PRKN: variants seen among roughly 807,000 people sequenced by gnomAD.
PRKN encodes parkin RBR E3 ubiquitin protein ligase.
PRKN carries 56 observed loss-of-function variants against 59.5 expected under a neutral mutation model. That is an observed-to-expected ratio of 0.94 (90% confidence interval 0.76 to 1.18). PRKN has a LOEUF of 1.18. PRKN is among the 50% of genes most tolerant of loss of function. The pLI is 0.00. For missense variants in PRKN, 657 were observed against 596.4 expected (o/e 1.10, Z -1.06); for synonymous variants, 250 against 222.1 (o/e 1.13, Z -1.12).
chr6:161,545,027 T>G lies in PRKN; in HGVS notation c.1083+3827A>C. The G allele has an allele frequency of 5.0e-6, 2 of 400,146 alleles. No individual in the cohort carries two copies. The highest frequency in any genetic ancestry group is 7.3e-6 in the Non-Finnish European group (2 of 275,290). The allele number at this position is 400,146 out of a possible 1,614,324, so 24.8% of individuals were successfully genotyped here. ...GGTACATGGTCGTGGGTGAAATGAC[T>G]AGAAGATTAGAATCCTCTGGAGCCC... is the stretch of plus-strand genomic sequence containing the variant. On this transcript the variant is annotated intron_variant, in intron 9 of 11. Transcript: ENST00000366898. This position sits in a 1 kb window ranked among gnomAD's most constrained non-coding sequence, Gnocchi z 4.1.
At chr6:162,609,331 C>A (rs1157101780) in intron 1 of PRKN, among the ~76,000 whole-genome samples, 2 of 152,030 alleles carry the variant, frequency 1.3e-5, no homozygotes, top group South Asian at 4.2e-4. Context: ...AAGTAACCCA[C>A]GAAAGTGGGA....
intron 1 of PRKN, among the ~76,000 whole-genome samples, chr6:162,678,637 T>A (rs182625528): frequency 6.6e-6 from 1 of 152,236 alleles, no homozygotes; most frequent in African/African-American, 2.4e-5. Context: ...CTATGTTTTA[T>A]TGGGTTGTTT....
At chr6:161,736,475 T>C (rs1237286555) in intron 7 of PRKN, among the ~76,000 whole-genome samples, 1 of 152,216 alleles carries the variant, frequency 6.6e-6, no homozygotes, top group African/African-American at 2.4e-5. Context: ...ATAAACACTG[T>C]GACAACACAT....
chr6:162,252,618 G>C (rs1052640675), intron 3 of PRKN, among the ~76,000 whole-genome samples: 1 of 152,180 alleles, frequency 6.6e-6, no homozygotes, highest in Non-Finnish European at 1.5e-5. Flanking sequence ...GAGAGCTGCT[G>C]TGCTCCCTCC....
chr6:162,223,572 T>A (rs958923453), intron 3 of PRKN, among the ~76,000 whole-genome samples: 2 of 151,882 alleles, frequency 1.3e-5, no homozygotes, highest in African/African-American at 4.8e-5. Context: ...TATTGACATC[T>A]ATACGTATGT....
chr6:161,818,601 G>A (rs9458388), intron 6 of PRKN, among the ~76,000 whole-genome samples: 2 of 151,954 alleles, frequency 1.3e-5, no homozygotes, highest in Non-Finnish European at 2.9e-5. Context: ...CCCTAGTGCT[G>A]GGATTCTGGG....
chr6:162,094,010 C>T (rs765168728), intron 4 of PRKN, among the ~76,000 whole-genome samples: 13 of 152,072 alleles, frequency 8.5e-5, no homozygotes, highest in African/African-American at 1.7e-4. Flanking sequence ...GAATGCAAAA[C>T]GGGACAAAGA....
chr6:162,148,884 A>G (rs1350062560), intron 4 of PRKN, among the ~76,000 whole-genome samples: 2 of 152,172 alleles, frequency 1.3e-5, no homozygotes, highest in Non-Finnish European at 2.9e-5. Flanking sequence ...TTCTGACAAG[A>G]CAAAAATTGA....
At position 161,582,439 on chromosome 6, in the gene PRKN, A is replaced by ATTT. The variant is rs1465336750; in HGVS notation, c.872-13026_872-13024dup. On this transcript the variant is annotated intron_variant, in intron 7 of 11. Coordinates refer to ENST00000366898, the MANE Select transcript of PRKN (RefSeq NM_004562.3). This position sits in a 1 kb window ranked among gnomAD's most constrained non-coding sequence, Gnocchi z 4.4. Reference sequence around the variant, plus strand: ...TATTATTATTATTATTATTATTATTATTTTTGAGACAGAGTCTCGCTCTGT... The same window carrying ATTT: ...TATTATTATTATTATTATTATTATTATTTTTTTTGAGACAGAGTCTCGCTCTGT... Among the ~76,000 whole-genome samples, 2 of 150,756 alleles carry ATTT rather than the reference A, an allele frequency of 1.3e-5. No homozygotes were observed. Among genetic ancestry groups the ATTT allele is most frequent in the East Asian group, 1.9e-4 (1 of 5,142 alleles).
chr6:161,989,798 T>C (rs1294687553), intron 5 of PRKN, among the ~76,000 whole-genome samples: 2 of 152,012 alleles, frequency 1.3e-5, no homozygotes, highest in Non-Finnish European at 2.9e-5. Flanking sequence ...GGTGCCCACA[T>C]ACTTTGACTG....
chr6:161,753,215 T>C (rs1788767755), intron 7 of PRKN, among the ~76,000 whole-genome samples: 1 of 152,012 alleles, frequency 6.6e-6, no homozygotes, highest in Non-Finnish European at 1.5e-5. Context: ...TGCATGATAG[T>C]TGTCTGGGAG....
rs540025268 is a variant in PRKN at position 161,751,215 on chromosome 6, C to A, written c.871+34557G>T. 5.9e-5 allele frequency among the ~76,000 whole-genome samples: 9 copies of A among 152,324 alleles called. No homozygotes were observed. In the East Asian group the frequency reaches 1.7e-3, roughly 29 times the overall value. On this transcript the variant is annotated intron_variant, in intron 7 of 11. Coordinates refer to ENST00000366898, the MANE Select transcript of PRKN (RefSeq NM_004562.3). ...TGCCCAAATTTCATAATTCTCCTAT[C>A]TTGGTCAACATCTACAAGGACAAGA...
intron 6 of PRKN, among the ~76,000 whole-genome samples, chr6:161,891,978 CG>C (rs1380359376): frequency 9.3e-6 from 1 of 107,004 alleles, no homozygotes; most frequent in Non-Finnish European, 1.7e-5. Context: ...GGATGGTTTA[CG>C]AAATTCCCAA....
chr6:162,345,766 C>T (rs1171921101), intron 2 of PRKN, among the ~76,000 whole-genome samples: 1 of 152,152 alleles, frequency 6.6e-6, no homozygotes, highest in Non-Finnish European at 1.5e-5. Context: ...TTCTTTTGAG[C>T]TTTGTAGTCA....
chr6:161,381,421 T>C (rs573650929), intron 10 of PRKN, among the ~76,000 whole-genome samples: 2 of 152,284 alleles, frequency 1.3e-5, no homozygotes, highest in African/African-American at 2.4e-5. Context: ...ACAAAATCTA[T>C]CACAAAAACT....
At chr6:161,602,383 G>A (rs1363361814) in intron 7 of PRKN, among the ~76,000 whole-genome samples, 1 of 152,226 alleles carries the variant, frequency 6.6e-6, no homozygotes, top group Non-Finnish European at 1.5e-5. Context: ...GGGTGCAAGT[G>A]AAATTCAACA....
At chr6:162,462,928 T>C (rs918837847) in intron 1 of PRKN, among the ~76,000 whole-genome samples, 1 of 152,028 alleles carries the variant, frequency 6.6e-6, no homozygotes, top group African/African-American at 2.4e-5. Flanking sequence ...ATCCCATCTC[T>C]ACTAAAAATA....
intron 4 of PRKN, among the ~76,000 whole-genome samples, chr6:162,106,163 C>T (rs1780185151): frequency 6.6e-6 from 1 of 152,118 alleles, no homozygotes; most frequent in African/African-American, 2.4e-5. Context: ...ATTACAGCTC[C>T]CGTAAGTACG....
chr6:162,329,346 C>T (rs545858904), intron 2 of PRKN, among the ~76,000 whole-genome samples: 7 of 152,198 alleles, frequency 4.6e-5, no homozygotes, highest in East Asian at 1.9e-4. Context: ...TGGGCATATA[C>T]GCACAGAGAG....
Sources: allele counts gnomAD v4.1 joint callset (sites outside exome capture counted in the v4.1 genomes callset), GRCh38; gene constraint gnomAD v4.1.1; non-coding constraint Gnocchi (gnomAD v3.1); transcripts MANE v1.5; gene names NCBI Gene and HGNC (gene_info 2026-07-23, HGNC 2026-07-21).